Variants in RAP1GAP observed in about 807,000 individuals in gnomAD.
RAP1GAP encodes the protein rap1 GTPase-activating protein 1.
RAP1GAP carries 35 observed loss-of-function variants against 87.2 expected under a neutral mutation model. The observed-to-expected ratio is 0.40, with a 90% CI of 0.31 to 0.53. The LOEUF (loss-of-function observed/expected upper bound fraction) is 0.53. Ranked by LOEUF, RAP1GAP falls within the 20% of genes least tolerant of loss-of-function variation. RAP1GAP has a pLI of 0.48. For synonymous variants in RAP1GAP, 375 were observed against 363.9 expected (o/e 1.03, Z -0.35); for missense variants, 734 against 898.9 (o/e 0.82, Z 2.35).
rs2085739565 is a variant in RAP1GAP at position 21,620,042 on chromosome 1, A to T, written c.-10T>A. 6.2e-7 allele frequency: 1 copy of T among 1,613,668 alleles called. No homozygotes were observed. Among genetic ancestry groups the T allele is most frequent in the African/African-American group, 1.3e-5 (1 of 74,854 alleles). On this transcript the variant is annotated 5_prime_UTR_variant, in exon 4 of 25. Coordinates refer to ENST00000374765, the MANE Select transcript of RAP1GAP (RefSeq NM_002885.4). ...GCATCTTCTCAATCATCTCAAATAG[A>T]TCTGTGTTCTGCAACAGAGACAGGG...
chr1:21,652,121 C>T (rs1377709554), intron 1 of RAP1GAP, among the ~76,000 whole-genome samples: 41 of 145,626 alleles, frequency 2.8e-4, no homozygotes, highest in Non-Finnish European at 3.4e-4. Flanking sequence ...TTCCCGGCCG[C>T]CGCCCCCCGT....
rs574853612 is a variant in RAP1GAP at position 21,617,695 on chromosome 1, A to G, written c.106-204T>C. Among the ~76,000 whole-genome samples, 5 of 152,268 alleles carry G rather than the reference A, an allele frequency of 3.3e-5. No homozygotes were observed. In the South Asian group the frequency reaches 1.0e-3, roughly 32 times the overall value. ...CAGCGCCGAGACCCAAGTCTCTAACAGGGGGTGTGGGGGCAGGTAGAGCTG... is the reference window on the plus strand; with the variant it reads ...CAGCGCCGAGACCCAAGTCTCTAACGGGGGGTGTGGGGGCAGGTAGAGCTG... On this transcript the variant is annotated intron_variant, in intron 6 of 24. Transcript: ENST00000374765.
At chr1:21,635,638 G>C (rs2094557571) in intron 2 of RAP1GAP, among the ~76,000 whole-genome samples, 2 of 152,236 alleles carry the variant, frequency 1.3e-5, no homozygotes, top group Non-Finnish European at 2.9e-5. Flanking sequence ...CTGGGGCTGG[G>C]GTTGCTGCCT....
Position 21,603,732 on chromosome 1 carries a change from G to A in RAP1GAP, c.1429-819C>T, listed in dbSNP as rs895057253. The A allele has an allele frequency of 1.5e-6, 2 of 1,297,052 alleles. No homozygotes were observed. Among genetic ancestry groups the A allele is most frequent in the Non-Finnish European group, 2.2e-6 (2 of 896,134 alleles). The allele number at this position is 1,297,052 out of a possible 1,614,324, so 80.3% of individuals were successfully genotyped here. A position where few individuals can be genotyped will look rare whatever the true frequency, so the allele number is the denominator to read the frequency against. ...CCCGCACGCCCTGGGGCCTGTCCCG[G>A]GGGCAGAGGGGCAACGTCCCCAATA... On this transcript the variant is annotated intron_variant, in intron 18 of 24. Transcript: ENST00000374765. This position sits in a 1 kb window ranked among gnomAD's most constrained non-coding sequence, Gnocchi z 6.0.
In RAP1GAP at chr1:21,598,018, A is replaced by T; in HGVS notation, c.1926T>A (p.Pro642=). The T allele has an allele frequency of 6.5e-7, 1 of 1,539,108 alleles. No individual in the cohort carries two copies. Among genetic ancestry groups the T allele is most frequent in the Non-Finnish European group, 8.8e-7 (1 of 1,138,234 alleles). Residue 642 remains proline, a synonymous_variant, in exon 23 of 25, where the codon CCT becomes CCA. Transcript: ENST00000374765. ...PHPDAGKLGD[P]ACPEIKIQLE... The stretch of plus-strand genomic sequence containing the variant: ...GCTGGATCTTGATCTCGGGACACGC[A>T]GGGTCCCCCAACTTGCCGGCGTCTG...
At chr1:21,659,061 G>T (rs1334914470) in intron 1 of RAP1GAP, among the ~76,000 whole-genome samples, 1 of 151,102 alleles carries the variant, frequency 6.6e-6, no homozygotes, top group Non-Finnish European at 1.5e-5. Flanking sequence ...TGCACCATCA[G>T]GCCCAGCTAA....
At chr1:21,638,821 G>T (rs566689516) in intron 2 of RAP1GAP, among the ~76,000 whole-genome samples, 1 of 152,312 alleles carries the variant, frequency 6.6e-6, no homozygotes, top group Admixed American at 6.5e-5. Flanking sequence ...CACCTTGAGA[G>T]GGAGGTATGA....
intron 18 of RAP1GAP, among the ~76,000 whole-genome samples, chr1:21,605,491 G>A (rs527803506): frequency 4.6e-5 from 7 of 152,140 alleles, no homozygotes. Context: ...GCAGCCCAGG[G>A]CTGCGCACAC....
rs2096609575 is a variant in RAP1GAP at position 21,651,953 on chromosome 1, C to T, written c.-148-2157G>A. On this transcript the variant is annotated intron_variant, in intron 1 of 24. Transcript: ENST00000374765. ...TCGGATACGTCCGCGCCCCAGCGGG[C>T]CGCGGTCCAGCTGCCGGGGGCCGCC... is the stretch of plus-strand genomic sequence containing the variant. 3.7e-6 allele frequency: 3 copies of T among 800,194 alleles called. No homozygotes were observed. In the South Asian group the frequency reaches 1.6e-4, roughly 43 times the overall value. The allele number at this position is 800,194 out of a possible 1,614,324, so 49.6% of individuals were successfully genotyped here.
chr1:21,611,380 T>C, intron 13 of RAP1GAP, 72 bp downstream of exon 13: 3 of 1,537,314 alleles, frequency 2.0e-6, no homozygotes, highest in Admixed American at 2.0e-5. Flanking sequence ...CCTGGCGTGA[T>C]GGAGGCTGAA....
At position 21,669,110 on chromosome 1, in the gene RAP1GAP, T is replaced by A; in HGVS notation, c.-149+144A>T. 2 of 898,376 alleles carry A rather than the reference T, an allele frequency of 2.2e-6. No homozygotes were observed. Among genetic ancestry groups the A allele is most frequent in the Non-Finnish European group, 2.9e-6 (2 of 701,106 alleles). 55.7% of individuals were successfully genotyped at this position (898,376 alleles called of 1,614,324 possible). ...CCCAGCTGCGCCCACCCCTCGCCCC[T>A]GGAGACCCGGGTCCCCCACGCGTTC... On this transcript the variant is annotated intron_variant, in intron 1 of 24. Coordinates refer to ENST00000374765, the MANE Select transcript of RAP1GAP (RefSeq NM_002885.4). The surrounding 1 kb of genome is among the most constrained non-coding windows in gnomAD (Gnocchi z 5.6).
At chr1:21,649,638 T>G in intron 2 of RAP1GAP, 123 bp downstream of exon 2, 1 of 1,189,686 alleles carries the variant, frequency 8.4e-7, no homozygotes, top group Non-Finnish European at 1.2e-6. Context: ...CCCCTTGCCC[T>G]GAGAGGATGG....
Sources: gnomAD v4.1 joint callset for allele counts (sites outside exome capture counted in the v4.1 genomes callset) on GRCh38, gnomAD v4.1.1 for gene constraint, Gnocchi (gnomAD v3.1) non-coding constraint, MANE v1.5 for transcripts, NCBI Gene and HGNC (gene_info 2026-07-23, HGNC 2026-07-21) for gene names.